Variants in NXPE1 observed in about 807,000 individuals in gnomAD.
The protein encoded by NXPE1 is NXPE family member 1.
Under a neutral mutation model 33.3 loss-of-function variants are expected in NXPE1, and 31 were observed. The ratio of observed to expected loss-of-function variants is 0.93; its 90% confidence interval spans 0.70 to 1.26. NXPE1 has a LOEUF of 1.26. Among genes scored for constraint, NXPE1 ranks in the 50% most tolerant of loss-of-function variants. The pLI is 0.00. For synonymous variants in NXPE1, 229 were observed against 231.4 expected (o/e 0.99, Z 0.09); for missense variants, 661 against 655.6 (o/e 1.01, Z -0.09).
chr11:114,519,692 C>T (rs1196393471), downstream of NXPE1, among the ~76,000 whole-genome samples: 1 of 151,974 alleles, frequency 6.6e-6, no homozygotes, highest in African/African-American at 2.4e-5. Context: ...TAGAGTGGTG[C>T]AGAGGCTTCA....
At position 114,536,378 on chromosome 11, in the gene NXPE1, G is replaced by A. The variant is rs184615877; in HGVS notation, c.100-5470C>T. On this transcript the variant is annotated intron_variant, in intron 5 of 8. Coordinates refer to ENST00000534921, the Ensembl canonical transcript of NXPE1. Reference sequence around the variant, plus strand: ...TAACATCACAATTAAAAGAACTAGAGAAGCAAGAGCAAACATATTCAAAAG... The same window carrying A: ...TAACATCACAATTAAAAGAACTAGAAAAGCAAGAGCAAACATATTCAAAAG... Among the ~76,000 whole-genome samples, 567 of 152,172 alleles carry A rather than the reference G, an allele frequency of 3.7e-3. 2 individuals are homozygous for A. Among genetic ancestry groups the A allele is most frequent in the African/African-American group, 0.013 (524 of 41,528 alleles).
At chr11:114,534,515 G>C (rs1274082973) in intron 5 of NXPE1, among the ~76,000 whole-genome samples, 1 of 152,124 alleles carries the variant, frequency 6.6e-6, no homozygotes, top group African/African-American at 2.4e-5. Flanking sequence ...CGAATCAATG[G>C]CAAAGAAGTT....
intron 5 of NXPE1, among the ~76,000 whole-genome samples, chr11:114,537,369 A>G (rs1947872774): frequency 6.6e-6 from 1 of 152,240 alleles, no homozygotes. Context: ...GAAAACTGGC[A>G]CAAGACAGGG....
At position 114,545,926 on chromosome 11, in the gene NXPE1, C is replaced by T. The variant is rs139128606; in HGVS notation, c.99+5177G>A. The stretch of plus-strand genomic sequence containing the variant: ...GGATGGTCTCGATAGCTTGACTTTG[C>T]GATCCACCCACCTCGGCCTCCCAAA... On this transcript the variant is annotated intron_variant, in intron 5 of 8. Coordinates refer to ENST00000534921, the Ensembl canonical transcript of NXPE1. 2.2e-4 allele frequency among the ~76,000 whole-genome samples: 34 copies of T among 151,988 alleles called. 1 individual carries two copies. The East Asian group carries it at 3.5e-3, about 16-fold the overall frequency.
At chr11:114,557,861 A>G (rs1443448511) in intron 1 of NXPE1, among the ~76,000 whole-genome samples, 1 of 151,650 alleles carries the variant, frequency 6.6e-6, no homozygotes, top group Non-Finnish European at 1.5e-5. Context: ...TTTCATTTTG[A>G]GGGTTTCTTT....
At chr11:114,530,625 A>G (rs1430918187) in exon 6 of NXPE1, 2 of 1,614,118 alleles carry the variant, frequency 1.2e-6, no homozygotes, top group Non-Finnish European at 1.7e-6. Flanking sequence ...CCTCTGTCCC[A>G]AGTGGTCCCT....
chr11:114,542,233 TG>T (rs1948123719), intron 5 of NXPE1, among the ~76,000 whole-genome samples: 1 of 152,180 alleles, frequency 6.6e-6, no homozygotes, highest in Non-Finnish European at 1.5e-5. Context: ...TAGAGTAAAA[TG>T]TTTAAGAAAA....
At chr11:114,554,434 C>T (rs1948602286) in intron 1 of NXPE1, 1 of 953,944 alleles carries the variant, frequency 1.0e-6, no homozygotes, top group South Asian at 4.8e-5. Context: ...TTCTTTGTGA[C>T]ATGGGCCCTT....
chr11:114,524,525 G>C (rs1010201246), intron 7 of NXPE1, among the ~76,000 whole-genome samples: 4 of 152,194 alleles, frequency 2.6e-5, no homozygotes, highest in Non-Finnish European at 4.4e-5. Flanking sequence ...GCTTACTAAA[G>C]GGAGTTTGTA....
intron 5 of NXPE1, among the ~76,000 whole-genome samples, chr11:114,545,284 A>G (rs1036826491): frequency 4.6e-5 from 7 of 152,232 alleles, no homozygotes; most frequent in African/African-American, 1.2e-4. Context: ...AGCAGCTTTG[A>G]TCATAGTTGC....
intron 6 of NXPE1, chr11:114,529,009 A>G (rs1947470286): frequency 2.4e-6 from 1 of 410,376 alleles, no homozygotes; most frequent in Non-Finnish European, 4.3e-6. Flanking sequence ...TCAGGAGCCA[A>G]AACTTGGATA....
At chr11:114,531,738 T>C (rs1277968182) in intron 5 of NXPE1, among the ~76,000 whole-genome samples, 1 of 152,104 alleles carries the variant, frequency 6.6e-6, no homozygotes, top group Admixed American at 6.5e-5. Flanking sequence ...CTTTCTCCTC[T>C]TCCTGGATTG....
At chr11:114,546,074 A>T (rs1948272668) in intron 5 of NXPE1, among the ~76,000 whole-genome samples, 1 of 152,206 alleles carries the variant, frequency 6.6e-6, no homozygotes, top group Admixed American at 6.5e-5. Context: ...TAACTGTATT[A>T]CAAATTTAAC....
At chr11:114,536,576 G>A (rs1335561589) in intron 5 of NXPE1, among the ~76,000 whole-genome samples, 4 of 151,986 alleles carry the variant, frequency 2.6e-5, no homozygotes, top group Admixed American at 1.3e-4. Flanking sequence ...TCAAATAGAC[G>A]CCATAAAAAA....
intron 5 of NXPE1, among the ~76,000 whole-genome samples, chr11:114,537,136 C>G (rs1039950420): frequency 6.6e-6 from 1 of 152,084 alleles, no homozygotes; most frequent in Non-Finnish European, 1.5e-5. Context: ...ATATGCAAAT[C>G]AATAAATGTA....
chr11:114,520,349 T>C (rs1947185590), downstream of NXPE1, among the ~76,000 whole-genome samples: 1 of 152,212 alleles, frequency 6.6e-6, no homozygotes, highest in Non-Finnish European at 1.5e-5. Flanking sequence ...GATCAAGCAA[T>C]ATTTTTCTTT....
exon 6 of NXPE1, chr11:114,530,883 A>T (rs766006620): frequency 6.2e-7 from 1 of 1,612,466 alleles, no homozygotes; most frequent in Admixed American, 1.7e-5. Flanking sequence ...ATGGACAGAG[A>T]TGGATAAGTT....
At chr11:114,529,196 T>A (rs1025224811) in intron 6 of NXPE1, 46 of 177,006 alleles carry the variant, frequency 2.6e-4, no homozygotes, top group Non-Finnish European at 2.6e-4. Flanking sequence ...AAATAAATCT[T>A]CGTGGGGGAA....
intron 1 of NXPE1, among the ~76,000 whole-genome samples, chr11:114,556,900 T>A (rs1028747279): frequency 3.3e-5 from 5 of 151,776 alleles, no homozygotes; most frequent in African/African-American, 1.2e-4. Context: ...TTTTGACTTT[T>A]TTTTTTTTTT....
Sources: allele counts gnomAD v4.1 joint callset (sites outside exome capture counted in the v4.1 genomes callset), GRCh38; gene constraint gnomAD v4.1.1; transcripts MANE v1.5; gene names NCBI Gene and HGNC (gene_info 2026-07-23, HGNC 2026-07-21).